The following ITFG1 variants were observed in gnomAD, a reference collection of about 807,000 sequenced individuals.
The protein encoded by ITFG1 is integrin alpha FG-GAP repeat containing 1.
ITFG1 carries 34 observed loss-of-function variants against 81.8 expected under a neutral mutation model. The ratio of observed to expected loss-of-function variants is 0.42; its 90% CI spans 0.32 to 0.55. The LOEUF is 0.55. ITFG1 is among the 20% of genes least tolerant of loss of function. The pLI is 0.17. For synonymous variants in ITFG1, 285 were observed against 270.6 expected, an observed-to-expected ratio of 1.05 and a Z score of -0.52; for missense variants, 672 against 755.4, an observed-to-expected ratio of 0.89 and a Z score of 1.29.
chr16:47,425,401 T>C (rs1275777692), intron 6 of ITFG1, among the ~76,000 whole-genome samples: 3 of 152,108 alleles, frequency 2.0e-5, no homozygotes, highest in South Asian at 2.1e-4. Context: ...CTGCAGTTCC[T>C]GGGTAAGGCG....
At position 47,395,319 on chromosome 16, in the gene ITFG1, CTAAT is replaced by C. The variant is rs1312068970; in HGVS notation, c.656-19383_656-19380del. 7.2e-5 allele frequency among the ~76,000 whole-genome samples: 11 copies of C among 152,032 alleles called. No individual in the cohort carries two copies. The East Asian group carries it at 1.7e-3, about 24-fold the overall frequency. ...CAATATATACAGCTCATTAAAGAGTCTAATTAGATAAAAATAAAAATAGAAAATG... is the reference window on the plus strand; with the variant it reads ...CAATATATACAGCTCATTAAAGAGTCTAGATAAAAATAAAAATAGAAAATG... On this transcript the variant is annotated intron_variant, in intron 6 of 17. Coordinates refer to ENST00000320640, the MANE Select transcript of ITFG1 (RefSeq NM_030790.5).
rs201379823 is a variant in ITFG1, at chr16:47,272,162, AAC to A, written c.1071-11469_1071-11468del. On this transcript the variant is annotated intron_variant, in intron 10 of 17. Coordinates refer to ENST00000320640, the MANE Select transcript of ITFG1 (RefSeq NM_030790.5). ...AAGTCAAATAAACCAGTCATAAAGTAACACATATTGTATAACTGCATATACAA... is the reference window on the plus strand; with the variant it reads ...AAGTCAAATAAACCAGTCATAAAGTAACATATTGTATAACTGCATATACAA... 9.1e-3 allele frequency among the ~76,000 whole-genome samples: 1,390 copies of A among 152,352 alleles called. 10 individuals are homozygous for A. The highest frequency in any genetic ancestry group is 0.016 in the Non-Finnish European group (1,069 of 68,030).
At chr16:47,376,847 T>C (rs962431234) in intron 6 of ITFG1, among the ~76,000 whole-genome samples, 2 of 151,090 alleles carry the variant, frequency 1.3e-5, no homozygotes, top group Non-Finnish European at 2.9e-5. Context: ...TGCGCACCTG[T>C]AGTCCCAGCC....
In ITFG1 at chr16:47,311,308, A is replaced by G. The variant is rs767520694; in HGVS notation, c.1002T>C (p.Leu334=). The G allele has an allele frequency of 1.2e-6, 2 of 1,611,020 alleles. No individual in the cohort carries two copies. Among genetic ancestry groups the G allele is most frequent in the Admixed American group, 3.3e-5 (2 of 60,012 alleles). ...CATCCATATTGTAGTCTCCAATATGAAGGGTAATTGGAATTGGTATTTCAG... is the reference window on the plus strand; with the variant it reads ...CATCCATATTGTAGTCTCCAATATGGAGGGTAATTGGAATTGGTATTTCAG... ...QPTEIPIPIT[L]HIGDYNMDGY... The change falls in exon 10 of 18, where the codon CTT becomes CTC. Residue 334 remains leucine, a synonymous_variant. Coordinates refer to ENST00000320640, the MANE Select transcript of ITFG1 (RefSeq NM_030790.5).
chr16:47,349,230 T>C (rs1287056647), intron 8 of ITFG1, among the ~76,000 whole-genome samples: 2 of 152,192 alleles, frequency 1.3e-5, no homozygotes, highest in Non-Finnish European at 2.9e-5. Flanking sequence ...TACATGTAAA[T>C]GGGCTAAATG....
At chr16:47,305,242 T>C (rs373582393) in intron 10 of ITFG1, among the ~76,000 whole-genome samples, 1 of 152,202 alleles carries the variant, frequency 6.6e-6, no homozygotes, top group East Asian at 1.9e-4. Flanking sequence ...TGGAAAATGA[T>C]ACTTATGACC....
chr16:47,338,283 C>A (rs145011809), intron 8 of ITFG1, among the ~76,000 whole-genome samples: 3 of 152,026 alleles, frequency 2.0e-5, no homozygotes, highest in Non-Finnish European at 4.4e-5. Context: ...CGGTGGCAGG[C>A]GCGCATAATC....
Position 47,158,524 on chromosome 16 carries a change from T to C in ITFG1, c.1779+349A>G, listed in dbSNP as rs1309419473. On this transcript the variant is annotated intron_variant, in intron 17 of 17. Transcript: ENST00000320640. The stretch of plus-strand genomic sequence containing the variant: ...GAATGTCCATGGCTTTATCAGTACA[T>C]ACTGAACACACGTTCATTTTTTAAA... Among the ~76,000 whole-genome samples the C allele has an allele frequency of 2.0e-5, 3 of 152,366 alleles. No homozygotes were observed. In the East Asian group the frequency reaches 5.8e-4, roughly 29 times the overall value.
intron 5 of ITFG1, 112 bp downstream of exon 5, chr16:47,451,283 GC>G (rs1362993956): frequency 1.7e-6 from 1 of 606,028 alleles, no homozygotes; most frequent in Non-Finnish European, 2.9e-6. Flanking sequence ...TTAACCAAAT[GC>G]CCACTTAAAA....
chr16:47,253,782 T>C (rs1211324551), intron 12 of ITFG1, among the ~76,000 whole-genome samples: 2 of 152,080 alleles, frequency 1.3e-5, no homozygotes, highest in Non-Finnish European at 2.9e-5. Flanking sequence ...ATGCCAGTGA[T>C]GGGGTGTGGC....
At chr16:47,322,131 C>T (rs1041422365) in intron 8 of ITFG1, among the ~76,000 whole-genome samples, 1 of 152,018 alleles carries the variant, frequency 6.6e-6, no homozygotes, top group African/African-American at 2.4e-5. Flanking sequence ...GAGAAGTCTA[C>T]AAAGTACTAG....
chr16:47,240,863 G>A (rs1306971545), intron 12 of ITFG1, among the ~76,000 whole-genome samples: 1 of 152,084 alleles, frequency 6.6e-6, no homozygotes, highest in Non-Finnish European at 1.5e-5. Flanking sequence ...GTAGAATGGT[G>A]CTTAGTGGGG....
At chr16:47,328,161 G>C (rs1290962886) in intron 8 of ITFG1, among the ~76,000 whole-genome samples, 1 of 152,146 alleles carries the variant, frequency 6.6e-6, no homozygotes, top group African/African-American at 2.4e-5. Flanking sequence ...ATGAGTTCAT[G>C]TCCTTTGTAG....
chr16:47,376,980 A>AAAAAAAAAAAAAAT (rs1567479313), intron 6 of ITFG1, among the ~76,000 whole-genome samples: 2 of 150,076 alleles, frequency 1.3e-5, no homozygotes, highest in African/African-American at 5.0e-5. Flanking sequence ...AAAAAAAAAA[A>AAAAAAAAAAAAAAT]AAAAAAAAAA....
intron 6 of ITFG1, among the ~76,000 whole-genome samples, chr16:47,402,432 T>A (rs1480009856): frequency 1.3e-5 from 2 of 152,146 alleles, no homozygotes; most frequent in African/African-American, 4.8e-5. Context: ...TATCCCCACT[T>A]TTACAAATGA....
intron 6 of ITFG1, among the ~76,000 whole-genome samples, chr16:47,376,821 T>C (rs1346519523): frequency 6.6e-6 from 1 of 151,766 alleles, no homozygotes; most frequent in Non-Finnish European, 1.5e-5. Flanking sequence ...ATACAAAAAT[T>C]AGCTGGGTGT....
chr16:47,424,120 T>C (rs1397546993), intron 6 of ITFG1, among the ~76,000 whole-genome samples: 2 of 148,826 alleles, frequency 1.3e-5, no homozygotes, highest in African/African-American at 2.5e-5. Context: ...GGAGGCTTTG[T>C]TCATTTCTTT....
chr16:47,446,779 C>A (rs1007559922), intron 5 of ITFG1, among the ~76,000 whole-genome samples: 3 of 152,092 alleles, frequency 2.0e-5, no homozygotes, highest in Admixed American at 2.0e-4. Context: ...GATTCTGATT[C>A]ATTTCACCCT....
In ITFG1 at chr16:47,155,206, C is replaced by A. The variant is rs1964684354; in HGVS notation, c.*513G>T. On this transcript the variant is annotated 3_prime_UTR_variant, in exon 18 of 18. Coordinates refer to ENST00000320640, the MANE Select transcript of ITFG1 (RefSeq NM_030790.5). ...AATTAGGAGTTTAAGGCAAGTCTGT[C>A]TTACTGTGCTACCAAGTCAGAGTAC... is the stretch of plus-strand genomic sequence containing the variant. 6.6e-6 allele frequency: 1 copy of A among 152,252 alleles called. No individual in the cohort carries two copies. The highest frequency in any genetic ancestry group is 2.1e-4 in the South Asian group (1 of 4,826). The allele number at this position is 152,252 out of a possible 1,614,324, so 9.4% of individuals were successfully genotyped here.
Sources: allele counts gnomAD v4.1 joint callset (sites outside exome capture counted in the v4.1 genomes callset), GRCh38; gene constraint gnomAD v4.1.1; transcripts MANE v1.5; gene names NCBI Gene and HGNC (gene_info 2026-07-23, HGNC 2026-07-21).